EML6: variants seen among roughly 807,000 people sequenced by gnomAD.
EML6 encodes echinoderm microtubule-associated protein-like 6.
A neutral mutation model predicts 240.1 loss-of-function variants in EML6; 154 were observed. The ratio of observed to expected loss-of-function variants is 0.64; its 90% confidence interval spans 0.56 to 0.73. The LOEUF is 0.73. Ranked by LOEUF, EML6 falls within the 30% of genes least tolerant of loss-of-function variation. EML6 has a pLI of 0.00. For synonymous variants in EML6, 1,148 were observed against 899.0 expected (o/e 1.28, Z -4.95); for missense variants, 2,964 against 2,474.6 (o/e 1.20, Z -4.20).
intron 2 of EML6, among the ~76,000 whole-genome samples, chr2:54,768,054 G>C (rs1668258977): frequency 6.6e-6 from 1 of 152,172 alleles, no homozygotes; most frequent in African/African-American, 2.4e-5. Context: ...CATTGGTTCA[G>C]ATGTGGGCCT....
rs1224465053 is a variant in EML6 at position 54,850,207 on chromosome 2, A to G, written c.1433A>G (p.Tyr478Cys). ...TNDGAGERLFYRMPSGKPLTS... is the reference protein window; with the variant it reads ...TNDGAGERLFCRMPSGKPLTS... ...GACGGTGCAGGAGAACGATTGTTCT[A>G]CAGAATGCCATGTAAGTCATGTGGA... The change falls in exon 10 of 42, where the codon TAC (tyrosine) becomes TGC (cysteine). Residue 478 changes from tyrosine (Y) to cysteine (C), a missense_variant. Physicochemically the swap from Tyr to Cys is radical, Grantham distance 194. Transcript: ENST00000356458. 1.3e-6 allele frequency: 2 copies of G among 1,551,338 alleles called. No individual in the cohort carries two copies. Among genetic ancestry groups the G allele is most frequent in the Admixed American group, 2.0e-5 (1 of 51,010 alleles).
At chr2:54,790,875 G>A (rs1233576514) in intron 2 of EML6, among the ~76,000 whole-genome samples, 3 of 151,840 alleles carry the variant, frequency 2.0e-5, no homozygotes, top group Non-Finnish European at 2.9e-5. Context: ...ACAGGCGCCT[G>A]CCACCGCGCC....
intron 2 of EML6, among the ~76,000 whole-genome samples, chr2:54,771,618 G>C (rs529646696): frequency 4.6e-5 from 7 of 152,228 alleles, no homozygotes; most frequent in African/African-American, 1.7e-4. Context: ...TCTATAAAAT[G>C]GTAGCTATCA....
At chr2:54,840,876 C>T (rs1430373012) in intron 7 of EML6, among the ~76,000 whole-genome samples, 1 of 152,194 alleles carries the variant, frequency 6.6e-6, no homozygotes, top group East Asian at 1.9e-4. Flanking sequence ...GTTGAAATAT[C>T]ACTGACTCTT....
intron 28 of EML6, among the ~76,000 whole-genome samples, chr2:54,938,870 T>A (rs1379293100): frequency 6.6e-6 from 1 of 152,198 alleles, no homozygotes; most frequent in Non-Finnish European, 1.5e-5. Context: ...TTCCGTATTA[T>A]CTCATTTCTG....
At chr2:54,796,255 G>A (rs1158965725) in intron 2 of EML6, among the ~76,000 whole-genome samples, 1 of 152,036 alleles carries the variant, frequency 6.6e-6, no homozygotes, top group Admixed American at 6.6e-5. Context: ...CTGATTAATG[G>A]CTTCTAAAAA....
At chr2:54,878,422 G>A (rs1316920236) in intron 16 of EML6, among the ~76,000 whole-genome samples, 1 of 152,320 alleles carries the variant, frequency 6.6e-6, no homozygotes, top group East Asian at 1.9e-4. Flanking sequence ...TAGTGGAAGG[G>A]AGACTGCTGA....
intron 8 of EML6, among the ~76,000 whole-genome samples, chr2:54,846,921 G>GTTTTTTTTTTTTTTTTTTTTTTTTTTTT (rs1558606488): frequency 1.2e-5 from 1 of 81,198 alleles, no homozygotes; most frequent in Non-Finnish European, 2.8e-5. Context: ...GTATGAAGTA[G>GTTTTTTTTTTTTTTTTTTTTTTTTTTTT]TATTTTTTTT....
chr2:54,903,759 A>C (rs947946562), intron 24 of EML6, among the ~76,000 whole-genome samples: 1 of 152,202 alleles, frequency 6.6e-6, no homozygotes, highest in African/African-American at 2.4e-5. Context: ...TTAAAGATAC[A>C]TGATGCCTTT....
chr2:54,954,226 C>T, intron 32 of EML6, 70 bp downstream of exon 32: 2 of 1,375,786 alleles, frequency 1.5e-6, no homozygotes, highest in Non-Finnish European at 2.0e-6. Flanking sequence ...TGGGCTCGAA[C>T]CCAGATCTGC....
chr2:54,794,593 C>G (rs761916244), intron 2 of EML6, among the ~76,000 whole-genome samples: 1 of 152,096 alleles, frequency 6.6e-6, no homozygotes, highest in Admixed American at 6.6e-5. Context: ...TCCTGTCTGC[C>G]TAATGTTTTT....
intron 10 of EML6, among the ~76,000 whole-genome samples, chr2:54,853,418 A>C (rs773165349): frequency 2.0e-5 from 3 of 148,780 alleles, no homozygotes; most frequent in Non-Finnish European, 3.0e-5. Context: ...ATATTTAGGG[A>C]TGCATCACCT....
chr2:54,866,701 A>T, intron 13 of EML6, 65 bp from the exon 14 acceptor site: 2 of 814,292 alleles, frequency 2.5e-6, no homozygotes, highest in Non-Finnish European at 2.0e-6. Flanking sequence ...AAGAATGTCA[A>T]GATGCTGATA....
intron 5 of EML6, among the ~76,000 whole-genome samples, chr2:54,823,064 C>G (rs956220824): frequency 3.3e-5 from 5 of 152,156 alleles, no homozygotes; most frequent in African/African-American, 1.2e-4. Flanking sequence ...AGACCAAAAA[C>G]TCATTCAGTT....
At chr2:54,851,368 G>T (rs1008649483) in intron 10 of EML6, among the ~76,000 whole-genome samples, 1 of 152,122 alleles carries the variant, frequency 6.6e-6, no homozygotes, top group Non-Finnish European at 1.5e-5. Context: ...AGCTGAGATC[G>T]CACCACTGCA....
chr2:54,913,697 A>G (rs1025529468), intron 25 of EML6, among the ~76,000 whole-genome samples: 3 of 152,112 alleles, frequency 2.0e-5, no homozygotes, highest in Admixed American at 1.3e-4. Flanking sequence ...TTTTGTTACA[A>G]TTGCTTTTGA....
chr2:54,787,930 T>C (rs1263756471), intron 2 of EML6, among the ~76,000 whole-genome samples: 2 of 152,176 alleles, frequency 1.3e-5, no homozygotes, highest in African/African-American at 4.8e-5. Flanking sequence ...AGTTGAAACT[T>C]CCCTCACCTG....
chr2:54,760,822 A>ATTT (rs200476039), intron 2 of EML6, among the ~76,000 whole-genome samples: 44 of 120,394 alleles, frequency 3.7e-4, no homozygotes, highest in Non-Finnish European at 4.5e-4. Flanking sequence ...TTGAGGGAGC[A>ATTT]TTTTTTTTTT....
In EML6 at chr2:54,879,541, A is replaced by C. The variant is rs570366330; in HGVS notation, c.2345-6A>C. The C allele has an allele frequency of 8.4e-4, 1,299 of 1,546,060 alleles. 25 individuals are homozygous for C. The South Asian group carries it at 0.014, about 17-fold the overall frequency. On this transcript the variant is annotated splice_region_variant and splice_polypyrimidine_tract_variant and intron_variant, in intron 16 of 41. Coordinates refer to ENST00000356458, the MANE Select transcript of EML6 (RefSeq NM_001039753.4). Reference sequence around the variant, plus strand: ...AAATTTTGACATTTGTGTTGTTTTCATACAGCCGATGGAAAATGTCTGGTG... The same window carrying C: ...AAATTTTGACATTTGTGTTGTTTTCCTACAGCCGATGGAAAATGTCTGGTG...
Sources: allele counts gnomAD v4.1 joint callset (sites outside exome capture counted in the v4.1 genomes callset), GRCh38; gene constraint gnomAD v4.1.1; transcripts MANE v1.5; gene names NCBI Gene and HGNC (gene_info 2026-07-23, HGNC 2026-07-21).